Variants in ACOT7 observed in about 807,000 individuals in gnomAD.
ACOT7 encodes acyl-CoA thioesterase 7.
Under a neutral mutation model 40.2 loss-of-function variants are expected in ACOT7, and 12 were observed. The ratio of observed to expected loss-of-function variants is 0.30; its 90% CI spans 0.19 to 0.48. ACOT7 has a LOEUF of 0.48. Among genes scored for constraint, ACOT7 ranks in the 20% least tolerant of loss-of-function variants. The pLI, the probability that ACOT7 is intolerant of heterozygous loss-of-function variation, is 0.99. For missense variants in ACOT7, 395 were observed against 530.8 expected (o/e 0.74, Z 2.51); for synonymous variants, 228 against 219.5 (o/e 1.04, Z -0.34).
intron 1 of ACOT7, among the ~76,000 whole-genome samples, chr1:6,357,759 G>A (rs532075503): frequency 4.6e-5 from 7 of 152,304 alleles, no homozygotes; most frequent in African/African-American, 1.7e-4. Context: ...GGACAAAACA[G>A]GCACGTGGAT....
chr1:6,300,572 G>A (rs12083855), intron 6 of ACOT7, among the ~76,000 whole-genome samples: 11,706 of 146,300 alleles, frequency 0.08, 869 homozygotes, highest in African/African-American at 0.18. Context: ...ATCCTGATGC[G>A]CGGCCGGCCC....
chr1:6,350,839 C>A (rs4908546), intron 1 of ACOT7, among the ~76,000 whole-genome samples: 1 of 152,202 alleles, frequency 6.6e-6, no homozygotes, highest in Non-Finnish European at 1.5e-5. Context: ...TCTCCAAGAG[C>A]GTTCCTGGCT....
chr1:6,306,772 C>A lies in ACOT7; in HGVS notation c.712+11720G>T. The A allele has an allele frequency of 7.8e-7, 1 of 1,280,640 alleles. No homozygotes were observed. Among genetic ancestry groups the A allele is most frequent in the Non-Finnish European group, 1.0e-6 (1 of 982,650 alleles). 79.3% of individuals were successfully genotyped at this position (1,280,640 alleles called of 1,614,324 possible). On this transcript the variant is annotated intron_variant, in intron 6 of 8. Transcript: ENST00000361521. The surrounding 1 kb of genome is among the most constrained non-coding windows in gnomAD (Gnocchi z 4.3). ...CCTTCCTTGCCCCAACACTGAGGGT[C>A]TGGTGTGTTGTGTCCCACGTAGCAG... is the stretch of plus-strand genomic sequence containing the variant.
chr1:6,336,285 G>A (rs1213521322), intron 3 of ACOT7, among the ~76,000 whole-genome samples: 2 of 132,304 alleles, frequency 1.5e-5, no homozygotes, highest in African/African-American at 2.9e-5. Context: ...AGTGAGCCGA[G>A]ATTGCGCCAC....
At chr1:6,271,153 G>C (rs1639022281) in intron 8 of ACOT7, among the ~76,000 whole-genome samples, 1 of 152,222 alleles carries the variant, frequency 6.6e-6, no homozygotes, top group Admixed American at 6.5e-5. Flanking sequence ...GTGGCTTTCA[G>C]AGCCAAGTGC....
At chr1:6,325,421 C>G (rs1410029619) in intron 5 of ACOT7, among the ~76,000 whole-genome samples, 1 of 150,442 alleles carries the variant, frequency 6.6e-6, no homozygotes, top group Non-Finnish European at 1.5e-5. Flanking sequence ...AAAAAGATAT[C>G]TCTTTACTGG....
intron 2 of ACOT7, among the ~76,000 whole-genome samples, chr1:6,344,577 AAC>A (rs1641365303): frequency 6.6e-6 from 1 of 152,102 alleles, no homozygotes; most frequent in Non-Finnish European, 1.5e-5. Flanking sequence ...CAGCGTGGCC[AAC>A]AGAGTGAAAC....
At chr1:6,265,706 C>T (rs1474714027) in intron 8 of ACOT7, among the ~76,000 whole-genome samples, 1 of 152,202 alleles carries the variant, frequency 6.6e-6, no homozygotes, top group Non-Finnish European at 1.5e-5. Context: ...TTCTGACTGG[C>T]CCCACCCTGG....
In ACOT7 at chr1:6,315,753, T is replaced by TA. The variant is rs61115908; in HGVS notation, c.712+2738dup. Among the ~76,000 whole-genome samples the TA allele has an allele frequency of 9.3e-3, 774 of 83,516 alleles. 10 individuals carry two copies. The highest frequency in any genetic ancestry group is 0.015 in the Non-Finnish European group (575 of 37,680). 54.8% of individuals were successfully genotyped at this position (83,516 alleles called of 152,430 possible). A position where few individuals can be genotyped will look rare whatever the true frequency, so the allele number is the denominator to read the frequency against. On this transcript the variant is annotated intron_variant, in intron 6 of 8. Transcript: ENST00000361521. ...GTGGGCGACAGAGTGAGACTCTGTC[T>TA]AAAAAAAAAAAAAAAAAAAAAAAAA...
intron 1 of ACOT7, among the ~76,000 whole-genome samples, chr1:6,361,173 C>G (rs925513551): frequency 5.3e-5 from 8 of 152,106 alleles, no homozygotes; most frequent in Admixed American, 4.6e-4. Flanking sequence ...ACCTACAGAT[C>G]CACAGTAATG....
chr1:6,393,667 C>T lies in ACOT7; in HGVS notation c.-268G>A. 4.0e-6 allele frequency: 1 copy of T among 250,846 alleles called. No individual in the cohort carries two copies. Among genetic ancestry groups the T allele is most frequent in the Admixed American group, 5.6e-5 (1 of 17,954 alleles). 15.5% of individuals were successfully genotyped at this position (250,846 alleles called of 1,614,324 possible). A position where few individuals can be genotyped will look rare whatever the true frequency, so the allele number is the denominator to read the frequency against. ...AGGCCCGCTAGCCGCGGCAGCCGCG[C>T]CCGACCCGGTGGCAGCCCCGAGGGA... On this transcript the variant is annotated 5_prime_UTR_variant, in exon 1 of 9. Coordinates refer to ENST00000361521, the MANE Select transcript of ACOT7 (RefSeq NM_007274.4).
chr1:6,268,695 G>A (rs1018572079), intron 8 of ACOT7, among the ~76,000 whole-genome samples: 3 of 152,244 alleles, frequency 2.0e-5, no homozygotes, highest in Non-Finnish European at 4.4e-5. Context: ...CGAACGGCAG[G>A]GAGATCTCCG....
chr1:6,338,869 C>G lies in ACOT7; in HGVS notation c.418+564G>C, dbSNP rs1438048357. On this transcript the variant is annotated intron_variant, in intron 3 of 8. Transcript: ENST00000361521. The surrounding 1 kb of genome is among the most constrained non-coding windows in gnomAD (Gnocchi z 4.4). ...TGAGCTGGTGAACACTGGAGCCGCC[C>G]CCTCCTGCAGCGCCCAGTGGGAAGG... Among the ~76,000 whole-genome samples, 1 of 152,178 alleles carries G rather than the reference C, an allele frequency of 6.6e-6. No individual in the cohort carries two copies. The highest frequency in any genetic ancestry group is 2.4e-5 in the African/African-American group (1 of 41,436).
chr1:6,271,871 C>T (rs1033862146), intron 8 of ACOT7, among the ~76,000 whole-genome samples: 19 of 152,262 alleles, frequency 1.2e-4, no homozygotes, highest in Admixed American at 9.8e-4. Context: ...CAACGGGAGG[C>T]TGCTGGCGGA....
intron 1 of ACOT7, among the ~76,000 whole-genome samples, chr1:6,381,783 T>C (rs1642340069): frequency 6.6e-6 from 1 of 151,930 alleles, no homozygotes; most frequent in South Asian, 2.1e-4. Flanking sequence ...CATCCACAGA[T>C]GATGGAATAA....
Position 6,364,830 on chromosome 1 carries a change from G to C in ACOT7, c.144-14964C>G, listed in dbSNP as rs192735903. 6.7e-3 allele frequency among the ~76,000 whole-genome samples: 812 copies of C among 121,700 alleles called. 11 individuals carry two copies. The highest frequency in any genetic ancestry group is 0.026 in the African/African-American group (776 of 29,508). The allele number at this position is 121,700 out of a possible 152,430, so 79.8% of individuals were successfully genotyped here. A position where few individuals can be genotyped will look rare whatever the true frequency, so the allele number is the denominator to read the frequency against. On this transcript the variant is annotated intron_variant, in intron 1 of 8. Transcript: ENST00000361521. ...GCCACTGCACTCCGGCCTGGGGACAGAGCGAGACTCCATCTCAAAAAAAAA... is the reference window on the plus strand; with the variant it reads ...GCCACTGCACTCCGGCCTGGGGACACAGCGAGACTCCATCTCAAAAAAAAA...
chr1:6,268,853 C>T (rs568291782), intron 8 of ACOT7, among the ~76,000 whole-genome samples: 12 of 152,358 alleles, frequency 7.9e-5, no homozygotes, highest in Admixed American at 5.9e-4. Context: ...CTTCCTACAG[C>T]TCTCGGCATC....
At chr1:6,361,481 T>C (rs1641893448) in intron 1 of ACOT7, among the ~76,000 whole-genome samples, 1 of 152,046 alleles carries the variant, frequency 6.6e-6, no homozygotes, top group Non-Finnish European at 1.5e-5. Context: ...CTCAATAGAG[T>C]TATAGCTCAG....
In ACOT7 at chr1:6,282,640, C is replaced by T. The variant is rs1472111940; in HGVS notation, c.830-1354G>A. The T allele has an allele frequency of 9.0e-6, 10 of 1,117,170 alleles. No individual in the cohort carries two copies. Among genetic ancestry groups the T allele is most frequent in the East Asian group, 1.2e-4 (2 of 17,088 alleles). The allele number at this position is 1,117,170 out of a possible 1,614,324, so 69.2% of individuals were successfully genotyped here. On this transcript the variant is annotated intron_variant, in intron 7 of 8. Coordinates refer to ENST00000361521, the MANE Select transcript of ACOT7 (RefSeq NM_007274.4). This position sits in a 1 kb window ranked among gnomAD's most constrained non-coding sequence, Gnocchi z 4.5. ...CGGCCAGGTGGTGGCTGTTGGAGGG[C>T]GGTTAGCAGGCCAGAGGCAAGAGCG...
Sources: allele counts gnomAD v4.1 joint callset (sites outside exome capture counted in the v4.1 genomes callset), GRCh38; gene constraint gnomAD v4.1.1; non-coding constraint Gnocchi (gnomAD v3.1); transcripts MANE v1.5; gene names NCBI Gene and HGNC (gene_info 2026-07-23, HGNC 2026-07-21).